TTC7A: variants seen among roughly 807,000 people sequenced by gnomAD.
TTC7A encodes the protein tetratricopeptide repeat protein 7A.
Under a neutral mutation model 103.7 loss-of-function variants are expected in TTC7A, and 110 were observed. That is an observed-to-expected ratio of 1.06 (90% CI 0.91 to 1.24). The LOEUF (loss-of-function observed/expected upper bound fraction) is 1.24. Ranked by LOEUF, TTC7A falls within the 50% of genes most tolerant of loss-of-function variation. The pLI, the probability that TTC7A is intolerant of heterozygous loss-of-function variation, is 0.00. For synonymous variants in TTC7A, 521 were observed against 467.9 expected (o/e 1.11, Z -1.47); for missense variants, 1,340 against 1,116.3 (o/e 1.20, Z -2.86).
At chr2:47,033,673 C>T (rs758548291) in intron 15 of TTC7A, among the ~76,000 whole-genome samples, 5 of 152,230 alleles carry the variant, frequency 3.3e-5, no homozygotes, top group African/African-American at 1.2e-4. Context: ...GACACCTGCT[C>T]TCTCTCCCCT....
chr2:46,929,322 AG>A (rs1669570936), intron 2 of TTC7A, among the ~76,000 whole-genome samples: 1 of 152,102 alleles, frequency 6.6e-6, no homozygotes, highest in Non-Finnish European at 1.5e-5. Flanking sequence ...CCATGTCTAT[AG>A]GAAAAATTTA....
At chr2:46,956,510 C>G (rs1447512037) in intron 2 of TTC7A, 1 of 287,110 alleles carries the variant, frequency 3.5e-6, no homozygotes, top group Non-Finnish European at 6.6e-6. Context: ...TGAGTGCCCC[C>G]TGGGGCTGCA....
chr2:46,947,054 A>C (rs1015352381), intron 1 of TTC7A, among the ~76,000 whole-genome samples: 2 of 152,198 alleles, frequency 1.3e-5, no homozygotes, highest in African/African-American at 4.8e-5. Context: ...AGGTAAGGAC[A>C]GTTCTTATCC....
At chr2:46,984,301 T>G (rs1489559061) in intron 5 of TTC7A, among the ~76,000 whole-genome samples, 1 of 152,208 alleles carries the variant, frequency 6.6e-6, no homozygotes, top group Non-Finnish European at 1.5e-5. Context: ...TGTCCCAGCT[T>G]CTGGTTTGAA....
chr2:47,072,734 A>G (rs914682224), intron 19 of TTC7A, among the ~76,000 whole-genome samples: 1 of 152,098 alleles, frequency 6.6e-6, no homozygotes, highest in Non-Finnish European at 1.5e-5. Context: ...CTGTCATCTC[A>G]TGCCACCCTC....
chr2:47,037,728 G>T lies in TTC7A; in HGVS notation c.1802+8344G>T, dbSNP rs546741742. Among the ~76,000 whole-genome samples, 27 of 152,292 alleles carry T rather than the reference G, an allele frequency of 1.8e-4. No individual in the cohort carries two copies. The South Asian group carries it at 5.6e-3, about 32-fold the overall frequency. ...CTGTAATCCTCTCAGCGCCCTAAGA[G>T]GGATAGAAACTCATGATTCCCCTTT... On this transcript the variant is annotated intron_variant, in intron 15 of 19. Coordinates refer to ENST00000319190, the MANE Select transcript of TTC7A (RefSeq NM_020458.4).
intron 3 of TTC7A, among the ~76,000 whole-genome samples, chr2:46,972,246 A>T (rs1673434136): frequency 6.6e-6 from 1 of 150,590 alleles, no homozygotes; most frequent in African/African-American, 2.4e-5. Flanking sequence ...TCCATACAGC[A>T]TTAATTTCTA....
chr2:47,058,247 T>C (rs1188931853), intron 18 of TTC7A, among the ~76,000 whole-genome samples: 1 of 152,232 alleles, frequency 6.6e-6, no homozygotes, highest in Non-Finnish European at 1.5e-5. Context: ...GAAGCCTGGC[T>C]TCTCTGTGTT....
intron 3 of TTC7A, chr2:46,958,523 G>A (rs1572723336): frequency 2.3e-6 from 3 of 1,304,124 alleles, no homozygotes; most frequent in Non-Finnish European, 3.0e-6. Context: ...GGGGAACACA[G>A]TCCCGGTGGT....
intron 2 of TTC7A, among the ~76,000 whole-genome samples, chr2:46,930,192 T>G (rs764029202): frequency 2.0e-5 from 3 of 152,060 alleles, no homozygotes; most frequent in Non-Finnish European, 2.9e-5. Flanking sequence ...GAAAGCAACA[T>G]GTAATAGAGA....
chr2:46,998,962 G>A (rs1156880006), intron 8 of TTC7A, among the ~76,000 whole-genome samples: 2 of 152,012 alleles, frequency 1.3e-5, no homozygotes, highest in Non-Finnish European at 2.9e-5. Flanking sequence ...TTCTGTTTTG[G>A]ACCTAGTTTT....
intron 1 of TTC7A, among the ~76,000 whole-genome samples, chr2:46,949,909 G>A (rs918717874): frequency 3.9e-5 from 6 of 152,060 alleles, no homozygotes; most frequent in Non-Finnish European, 5.9e-5. Flanking sequence ...CTTAAAAATG[G>A]GGAAAACCAA....
chr2:47,007,831 G>A lies in TTC7A; in HGVS notation c.1287+1107G>A, dbSNP rs1048622469. ...CATCGGACACCTCACAGAGCATCTT[G>A]AAGTCACAGCATGATCTCCTTGGCT... On this transcript the variant is annotated intron_variant, in intron 10 of 19. Transcript: ENST00000319190. This position sits in a 1 kb window ranked among gnomAD's most constrained non-coding sequence, Gnocchi z 4.9. Among the ~76,000 whole-genome samples the A allele has an allele frequency of 6.6e-5, 10 of 152,312 alleles. No individual in the cohort carries two copies. Among genetic ancestry groups the A allele is most frequent in the African/African-American group, 1.9e-4 (8 of 41,562 alleles).
rs1315237800 is a variant in TTC7A, at chr2:47,075,439, G to GCA, written c.*1518_*1519dup. On this transcript the variant is annotated 3_prime_UTR_variant, in exon 20 of 20. Coordinates refer to ENST00000319190, the MANE Select transcript of TTC7A (RefSeq NM_020458.4). ...TAGTCAATTTTTGGTACTAGGAAAG[G>GCA]CACCCAATGCATTTCCTGACTTTTA... The GCA allele has an allele frequency of 1.3e-5, 2 of 152,204 alleles. No homozygotes were observed. Among genetic ancestry groups the GCA allele is most frequent in the African/African-American group, 4.8e-5 (2 of 41,444 alleles). The allele number at this position is 152,204 out of a possible 1,614,324, so 9.4% of individuals were successfully genotyped here. A position where few individuals can be genotyped will look rare whatever the true frequency, so the allele number is the denominator to read the frequency against.
At chr2:46,997,171 G>A (rs1676292337) in intron 8 of TTC7A, among the ~76,000 whole-genome samples, 2 of 152,034 alleles carry the variant, frequency 1.3e-5, no homozygotes, top group South Asian at 4.2e-4. Context: ...TAGAGACGGG[G>A]TTTCACCATG....
intron 19 of TTC7A, among the ~76,000 whole-genome samples, chr2:47,061,195 G>A (rs149799519): frequency 6.6e-6 from 1 of 152,024 alleles, no homozygotes; most frequent in Non-Finnish European, 1.5e-5. Context: ...CTTCAATCAG[G>A]GTCTGTGTTG....
chr2:46,971,518 G>A (rs1673355590), intron 3 of TTC7A, among the ~76,000 whole-genome samples: 1 of 152,100 alleles, frequency 6.6e-6, no homozygotes, highest in South Asian at 2.1e-4. Flanking sequence ...TCCAGAAGTT[G>A]GACCTTACTC....
rs1012757815 is a variant in TTC7A, at chr2:46,941,494, G to A, written c.-48G>A. ...CCCAGCCAGGACGCCGCCCCCGGCC[G>A]GGTCTCCACTTCTTGGCCGCACCTT... On this transcript the variant is annotated 5_prime_UTR_variant, in exon 1 of 20. Coordinates refer to ENST00000319190, the MANE Select transcript of TTC7A (RefSeq NM_020458.4). The surrounding 1 kb of genome is among the most constrained non-coding windows in gnomAD (Gnocchi z 4.2). 3.9e-6 allele frequency: 6 copies of A among 1,525,110 alleles called. No individual in the cohort carries two copies. The African/African-American group carries it at 4.3e-5, about 11-fold the overall frequency. The allele number at this position is 1,525,110 out of a possible 1,614,324, so 94.5% of individuals were successfully genotyped here. A position where few individuals can be genotyped will look rare whatever the true frequency, so the allele number is the denominator to read the frequency against.
chr2:47,045,188 G>A (rs1424548183), intron 15 of TTC7A, among the ~76,000 whole-genome samples: 1 of 152,162 alleles, frequency 6.6e-6, no homozygotes, highest in Non-Finnish European at 1.5e-5. Context: ...CAAACTCTTC[G>A]CAGGCTGCCC....
Sources: allele counts gnomAD v4.1 joint callset (sites outside exome capture counted in the v4.1 genomes callset), GRCh38; gene constraint gnomAD v4.1.1; non-coding constraint Gnocchi (gnomAD v3.1); transcripts MANE v1.5; gene names NCBI Gene and HGNC (gene_info 2026-07-23, HGNC 2026-07-21).